PRKN: variants seen among roughly 807,000 people sequenced by gnomAD.
PRKN encodes the protein parkin RBR E3 ubiquitin protein ligase, also known as E3 ubiquitin-protein ligase parkin.
Under a neutral mutation model 59.5 loss-of-function variants are expected in PRKN, and 56 were observed. That is an observed-to-expected ratio of 0.94 (90% CI 0.76 to 1.18). The LOEUF (loss-of-function observed/expected upper bound fraction) is 1.18, where lower values mean the gene tolerates loss of function less well. Ranked by LOEUF, PRKN falls within the 50% of genes most tolerant of loss-of-function variation. The pLI is 0.00. For synonymous variants in PRKN, 250 were observed against 222.1 expected, an observed-to-expected ratio of 1.13 and a Z score of -1.12; for missense variants, 657 against 596.4, an observed-to-expected ratio of 1.10 and a Z score of -1.06.
chr6:162,045,652 A>C (rs1784221940), intron 5 of PRKN, among the ~76,000 whole-genome samples: 2 of 152,192 alleles, frequency 1.3e-5, no homozygotes, highest in Admixed American at 6.5e-5. Context: ...ACTTTTTGAG[A>C]GCTAGCTTGA....
intron 6 of PRKN, among the ~76,000 whole-genome samples, chr6:161,859,067 A>C (rs955765104): frequency 2.0e-5 from 3 of 150,792 alleles, no homozygotes; most frequent in Non-Finnish European, 3.0e-5. Flanking sequence ...ATGGGGTTTC[A>C]CCATGTTGGC....
chr6:162,248,192 A>G (rs1049101525), intron 3 of PRKN, among the ~76,000 whole-genome samples: 9 of 152,192 alleles, frequency 5.9e-5, no homozygotes, highest in Non-Finnish European at 2.9e-5. Context: ...GTTTGTGTAC[A>G]TGAAATGTTA....
At chr6:161,789,343 C>G (rs1027257966) in intron 6 of PRKN, among the ~76,000 whole-genome samples, 3 of 152,132 alleles carry the variant, frequency 2.0e-5, no homozygotes, top group African/African-American at 7.2e-5. Context: ...TTCATTTCAT[C>G]CTCGTAAAAT....
chr6:161,791,982 C>A (rs1257348367), intron 6 of PRKN, among the ~76,000 whole-genome samples: 1 of 152,196 alleles, frequency 6.6e-6, no homozygotes, highest in Non-Finnish European at 1.5e-5. Context: ...GGAAAGCGAG[C>A]AGCCATGTTG....
chr6:162,100,436 A>G (rs1352489670), intron 4 of PRKN, among the ~76,000 whole-genome samples: 1 of 149,614 alleles, frequency 6.7e-6, no homozygotes, highest in African/African-American at 2.5e-5. Context: ...ATCACTTATT[A>G]TCTCTTGTCT....
intron 1 of PRKN, among the ~76,000 whole-genome samples, chr6:162,706,655 G>A (rs1230493267): frequency 2.0e-5 from 3 of 152,100 alleles, no homozygotes; most frequent in African/African-American, 7.2e-5. Context: ...GGTAACATGG[G>A]GACCACAATA....
At chr6:161,885,164 T>G (rs1795087961) in intron 6 of PRKN, among the ~76,000 whole-genome samples, 1 of 151,590 alleles carries the variant, frequency 6.6e-6, no homozygotes, top group Admixed American at 6.6e-5. Flanking sequence ...AAATGCATAT[T>G]CTCAGGCTTC....
chr6:162,327,406 C>T (rs954001492), intron 2 of PRKN, among the ~76,000 whole-genome samples: 1 of 152,088 alleles, frequency 6.6e-6, no homozygotes, highest in African/African-American at 2.4e-5. Flanking sequence ...TTGGACTTCA[C>T]AAAATCCAAG....
intron 1 of PRKN, among the ~76,000 whole-genome samples, chr6:162,620,314 T>C (rs1782611442): frequency 6.6e-6 from 1 of 152,202 alleles, no homozygotes; most frequent in African/African-American, 2.4e-5. Flanking sequence ...GATTCCACTT[T>C]TTCCGTGTTC....
intron 2 of PRKN, among the ~76,000 whole-genome samples, chr6:162,282,231 G>T (rs542177226): frequency 6.6e-6 from 1 of 152,144 alleles, no homozygotes; most frequent in Admixed American, 6.5e-5. Context: ...TTACTATGGA[G>T]GCAACATAGC....
At chr6:161,723,156 T>C (rs1411102287) in intron 7 of PRKN, among the ~76,000 whole-genome samples, 1 of 151,900 alleles carries the variant, frequency 6.6e-6, no homozygotes, top group East Asian at 1.9e-4. Context: ...TAATCCCAGC[T>C]TCTTGAGAAG....
intron 7 of PRKN, among the ~76,000 whole-genome samples, chr6:161,670,062 G>A (rs914233073): frequency 6.6e-6 from 1 of 152,208 alleles, no homozygotes; most frequent in African/African-American, 2.4e-5. Flanking sequence ...AGACATAAGC[G>A]ATGTGGCAGA....
chr6:161,536,870 A>G (rs1469595719), intron 9 of PRKN, among the ~76,000 whole-genome samples: 1 of 152,230 alleles, frequency 6.6e-6, no homozygotes, highest in African/African-American at 2.4e-5. Flanking sequence ...ACAGTGACAT[A>G]GCCTCCAAAC....
At position 161,679,674 on chromosome 6, in the gene PRKN, A is replaced by T. The variant is rs897542803; in HGVS notation, c.871+106098T>A. Reference sequence around the variant, plus strand: ...GGTACCTTTGGTTTATAATAGAACCACCCCCCCCCCTTTTTTTTTTTTAAG... The same window carrying T: ...GGTACCTTTGGTTTATAATAGAACCTCCCCCCCCCCTTTTTTTTTTTTAAG... On this transcript the variant is annotated intron_variant, in intron 7 of 11. Coordinates refer to ENST00000366898, the MANE Select transcript of PRKN (RefSeq NM_004562.3). 9.1e-5 allele frequency among the ~76,000 whole-genome samples: 6 copies of T among 65,944 alleles called. No individual in the cohort carries two copies. In the South Asian group the frequency reaches 3.7e-3, roughly 41 times the overall value. The allele number at this position is 65,944 out of a possible 152,430, so 43.3% of individuals were successfully genotyped here.
In PRKN at chr6:161,743,386, T is replaced by TTTTTTTTATTTATTTA. The variant is rs1554299551; in HGVS notation, c.871+42385_871+42386insTAAATAAATAAAAAAA. Among the ~76,000 whole-genome samples the TTTTTTTTATTTATTTA allele has an allele frequency of 6.3e-3, 886 of 140,284 alleles. 5 individuals are homozygous for TTTTTTTTATTTATTTA. Among genetic ancestry groups the TTTTTTTTATTTATTTA allele is most frequent in the Non-Finnish European group, 0.01 (677 of 65,050 alleles). The allele number at this position is 140,284 out of a possible 152,430, so 92.0% of individuals were successfully genotyped here. On this transcript the variant is annotated intron_variant, in intron 7 of 11. Transcript: ENST00000366898. ...AGGCGCCCGCCACCACATCCAGCTT[T>TTTTTTTTATTTATTTA]TTTATTTATTTATTTATTTATTTAT...
rs1787490858 is a variant in PRKN at position 161,410,595 on chromosome 6, A to G, written c.1084-23718T>C. Among the ~76,000 whole-genome samples, 1 of 152,034 alleles carries G rather than the reference A, an allele frequency of 6.6e-6. No individual in the cohort carries two copies. Among genetic ancestry groups the G allele is most frequent in the South Asian group, 2.1e-4 (1 of 4,820 alleles). On this transcript the variant is annotated intron_variant, in intron 9 of 11. Transcript: ENST00000366898. This position sits in a 1 kb window ranked among gnomAD's most constrained non-coding sequence, Gnocchi z 5.3. ...ACACAGCAGCGAGAGGGGAAGGGCG[A>G]GCTATTTCCTCCATTCTGGTGCTCA... is the stretch of plus-strand genomic sequence containing the variant.
At chr6:162,694,740 T>C (rs1288440022) in intron 1 of PRKN, 1 of 152,248 alleles carries the variant, frequency 6.6e-6, no homozygotes, top group African/African-American at 2.4e-5. Context: ...GGATACATTT[T>C]TTAAAGTTAT....
At position 161,426,105 on chromosome 6, in the gene PRKN, G is replaced by A. The variant is rs143825440; in HGVS notation, c.1084-39228C>T. On this transcript the variant is annotated intron_variant, in intron 9 of 11. Transcript: ENST00000366898. The stretch of plus-strand genomic sequence containing the variant: ...CGTTGTAGGAGCAAAAAATGTGATG[G>A]GGTGACAAATTTAAAGGAAAACAAA... 1.6e-3 allele frequency among the ~76,000 whole-genome samples: 242 copies of A among 152,152 alleles called. 2 individuals are homozygous for A. The highest frequency in any genetic ancestry group is 9.9e-3 in the Admixed American group (151 of 15,280).
At chr6:162,608,587 A>T (rs762992194) in intron 1 of PRKN, among the ~76,000 whole-genome samples, 1 of 152,210 alleles carries the variant, frequency 6.6e-6, no homozygotes, top group Non-Finnish European at 1.5e-5. Flanking sequence ...AGGTTAAAGG[A>T]CAAATAGTCA....
Sources: gnomAD v4.1 joint callset for allele counts (sites outside exome capture counted in the v4.1 genomes callset) on GRCh38, gnomAD v4.1.1 for gene constraint, Gnocchi (gnomAD v3.1) non-coding constraint, MANE v1.5 for transcripts, NCBI Gene and HGNC (gene_info 2026-07-23, HGNC 2026-07-21) for gene names.